ARHGAP24: variants seen among roughly 807,000 people sequenced by gnomAD.
The protein encoded by ARHGAP24 is rho GTPase-activating protein 24.
A neutral mutation model predicts 76.4 loss-of-function variants in ARHGAP24; 50 were observed. The observed-to-expected ratio is 0.65, with a 90% CI of 0.52 to 0.83. ARHGAP24 has a LOEUF of 0.83. ARHGAP24 is among the 40% of genes least tolerant of loss of function. The pLI is 0.00. For synonymous variants in ARHGAP24, 345 were observed against 323.3 expected (o/e 1.07, Z -0.72); for missense variants, 930 against 914.2 (o/e 1.02, Z -0.22).
chr4:85,884,102 A>T (rs1294273148), intron 3 of ARHGAP24, among the ~76,000 whole-genome samples: 1 of 152,214 alleles, frequency 6.6e-6, no homozygotes, highest in Non-Finnish European at 1.5e-5. Flanking sequence ...GTAATTGATG[A>T]TAACACAAAA....
At chr4:85,581,213 A>G (rs1727596258) in intron 2 of ARHGAP24, among the ~76,000 whole-genome samples, 1 of 152,110 alleles carries the variant, frequency 6.6e-6, no homozygotes, top group African/African-American at 2.4e-5. Flanking sequence ...AATATAGCAT[A>G]ATAAGCATTA....
In ARHGAP24 at chr4:85,995,405, T is replaced by C. The variant is rs147120508; in HGVS notation, c.1751T>C (p.Phe584Ser). The change falls in exon 9 of 10, where the codon TTT becomes TCT. Residue 584 changes from phenylalanine (F) to serine (S), a missense_variant. Physicochemically the swap from Phe to Ser is radical, Grantham distance 155 (BLOSUM62 -2). Transcript: ENST00000395184. ...ACCACCTGCCCAGAGCAAGACTTTTTTGGGGGGAACTTTGAGGACCCTGTT... is the reference window on the plus strand; with the variant it reads ...ACCACCTGCCCAGAGCAAGACTTTTCTGGGGGGAACTTTGAGGACCCTGTT... Reference protein sequence around the residue: ...STTTCPEQDFFGGNFEDPVLD... With the variant: ...STTTCPEQDFSGGNFEDPVLD... 2.5e-6 allele frequency: 4 copies of C among 1,612,758 alleles called. No homozygotes were observed. In the African/African-American group the frequency reaches 4.0e-5, roughly 16 times the overall value.
At chr4:85,880,405 G>T (rs569485207) in intron 3 of ARHGAP24, among the ~76,000 whole-genome samples, 70 of 152,200 alleles carry the variant, frequency 4.6e-4, no homozygotes, top group Non-Finnish European at 4.9e-4. Context: ...TTGTTTCAGG[G>T]GATCCCTTGC....
chr4:85,541,947 A>G (rs4450925), intron 1 of ARHGAP24, among the ~76,000 whole-genome samples: 18,737 of 152,180 alleles, frequency 0.12, 3,248 homozygotes, highest in African/African-American at 0.39. Context: ...CTAGACTTAG[A>G]GTTTTATATA....
At chr4:85,912,404 A>G (rs983884188) in intron 3 of ARHGAP24, among the ~76,000 whole-genome samples, 2 of 152,194 alleles carry the variant, frequency 1.3e-5, no homozygotes, top group Non-Finnish European at 2.9e-5. Context: ...GAAAAAGCAC[A>G]ATGGACGGTT....
intron 2 of ARHGAP24, among the ~76,000 whole-genome samples, chr4:85,607,961 ACTGT>A (rs1201092717): frequency 6.6e-6 from 1 of 151,826 alleles, no homozygotes; most frequent in African/African-American, 2.4e-5. Flanking sequence ...TGTGCCTCTA[ACTGT>A]CTGTGGGTCT....
intron 3 of ARHGAP24, among the ~76,000 whole-genome samples, chr4:85,822,426 T>G (rs1729513969): frequency 6.6e-6 from 1 of 152,190 alleles, no homozygotes; most frequent in South Asian, 2.1e-4. Context: ...GTTTGTTGAT[T>G]TCTTGTAATG....
At chr4:85,530,448 T>C (rs796320030) in intron 1 of ARHGAP24, among the ~76,000 whole-genome samples, 4 of 152,148 alleles carry the variant, frequency 2.6e-5, no homozygotes, top group African/African-American at 9.6e-5. Flanking sequence ...GTTCTTACTT[T>C]GGAGGTCTTC....
At chr4:85,697,057 G>T (rs1424439189) in intron 2 of ARHGAP24, among the ~76,000 whole-genome samples, 2 of 152,132 alleles carry the variant, frequency 1.3e-5, no homozygotes, top group Non-Finnish European at 2.9e-5. Context: ...TCCCCTTTTA[G>T]TTTTAGAAAA....
At chr4:85,593,243 G>A (rs561721059) in intron 2 of ARHGAP24, among the ~76,000 whole-genome samples, 5 of 152,040 alleles carry the variant, frequency 3.3e-5, no homozygotes, top group Admixed American at 1.3e-4. Flanking sequence ...TTTGCCATTT[G>A]TATGTCTTCT....
chr4:85,557,634 G>A (rs1276334980), intron 1 of ARHGAP24, among the ~76,000 whole-genome samples: 1 of 147,326 alleles, frequency 6.8e-6, no homozygotes, highest in Non-Finnish European at 1.5e-5. Context: ...TCACCTGGAT[G>A]TTCCGGTTGA....
At chr4:85,617,656 T>C (rs1720584422) in intron 2 of ARHGAP24, among the ~76,000 whole-genome samples, 1 of 152,184 alleles carries the variant, frequency 6.6e-6, no homozygotes, top group Non-Finnish European at 1.5e-5. Context: ...AGATTTCCAA[T>C]ACTGTGCTAC....
At chr4:85,971,277 A>G (rs926074260) in intron 5 of ARHGAP24, among the ~76,000 whole-genome samples, 2 of 152,244 alleles carry the variant, frequency 1.3e-5, no homozygotes, top group African/African-American at 2.4e-5. Flanking sequence ...GCGAGAATTT[A>G]GTAATTCATT....
At chr4:85,548,415 G>A (rs533777049) in intron 1 of ARHGAP24, among the ~76,000 whole-genome samples, 1 of 152,098 alleles carries the variant, frequency 6.6e-6, no homozygotes, top group Non-Finnish European at 1.5e-5. Context: ...TGTGCCTATC[G>A]ATGAAAAACC....
chr4:85,797,251 C>T (rs1276269611), intron 3 of ARHGAP24, among the ~76,000 whole-genome samples: 1 of 152,004 alleles, frequency 6.6e-6, no homozygotes, highest in African/African-American at 2.4e-5. Context: ...CGGCTCACTG[C>T]AAGCTCCGCC....
At chr4:85,632,204 A>C (rs1482087) in intron 2 of ARHGAP24, among the ~76,000 whole-genome samples, 141,586 of 152,004 alleles carry the variant, frequency 0.93, 65,983 homozygotes, top group East Asian at 0.98. Context: ...GTCTTACCAT[A>C]TGTTCTCTGA....
At chr4:85,515,036 C>G (rs1488626084) in intron 1 of ARHGAP24, among the ~76,000 whole-genome samples, 2 of 152,034 alleles carry the variant, frequency 1.3e-5, no homozygotes, top group African/African-American at 4.8e-5. Flanking sequence ...GGACAACATC[C>G]TGCTGCGGAT....
chr4:85,590,512 A>T (rs951034882), intron 2 of ARHGAP24, among the ~76,000 whole-genome samples: 1 of 151,868 alleles, frequency 6.6e-6, no homozygotes, highest in African/African-American at 2.4e-5. Flanking sequence ...GGTGCATGCC[A>T]CCACGCCTAG....
intron 3 of ARHGAP24, among the ~76,000 whole-genome samples, chr4:85,778,008 TG>T (rs1176186350): frequency 6.6e-6 from 1 of 152,070 alleles, no homozygotes; most frequent in African/African-American, 2.4e-5. Context: ...AGATTGAAAG[TG>T]GGGATTTGTG....
Sources: gnomAD v4.1 joint callset for allele counts (sites outside exome capture counted in the v4.1 genomes callset) on GRCh38, gnomAD v4.1.1 for gene constraint, MANE v1.5 for transcripts, NCBI Gene and HGNC (gene_info 2026-07-23, HGNC 2026-07-21) for gene names.